RGS16: variants seen among roughly 807,000 people sequenced by gnomAD.
RGS16 encodes the protein hRGS-r.
RGS16 carries 12 observed loss-of-function variants against 18.1 expected under a neutral mutation model. That is an observed-to-expected ratio of 0.66 (90% confidence interval 0.42 to 1.07). The LOEUF (loss-of-function observed/expected upper bound fraction) is 1.07, where lower values mean the gene tolerates loss of function less well. Among genes scored for constraint, RGS16 ranks in the 50% least tolerant of loss-of-function variants. RGS16 has a pLI of 0.00. For missense variants in RGS16, 238 were observed against 249.2 expected (o/e 0.95, Z 0.30); for synonymous variants, 88 against 102.0 (o/e 0.86, Z 0.83).
At chr1:182,603,447 C>T (rs1483499359) in intron 1 of RGS16, 108 bp from the exon 2 acceptor site, 2 of 802,650 alleles carry the variant, frequency 2.5e-6, no homozygotes, top group East Asian at 5.1e-5. Context: ...AAACTTTAGC[C>T]TCAAGAGTTC....
rs1661866292 is a variant in RGS16 at position 182,601,769 on chromosome 1, A to C, written c.387+197T>G. ...TGCCAACACATCCTGCCCCATCATG[A>C]GTCTTAGGGTTAAGCACCCAGGAGT... On this transcript the variant is annotated intron_variant, in intron 4 of 4. Coordinates refer to ENST00000367558, the MANE Select transcript of RGS16 (RefSeq NM_002928.4). The C allele has an allele frequency of 1.8e-5, 11 of 623,990 alleles. 1 individual carries two copies. Among genetic ancestry groups the C allele is most frequent in the South Asian group, 1.7e-4 (9 of 51,946 alleles). The allele number at this position is 623,990 out of a possible 1,614,324, so 38.7% of individuals were successfully genotyped here.
chr1:182,601,940 T>C, intron 4 of RGS16, 26 bp downstream of exon 4: 1 of 1,613,632 alleles, frequency 6.2e-7, no homozygotes, highest in Non-Finnish European at 8.5e-7. Context: ...GTCGTGAGGA[T>C]TCACTGGGCA....
intron 1 of RGS16, 61 bp downstream of exon 1, chr1:182,604,155 C>T: frequency 6.5e-7 from 1 of 1,537,138 alleles, no homozygotes. Context: ...CCCAGGCCTG[C>T]CGCTCCACTC....
Position 182,602,450 on chromosome 1 carries a change from C to T in RGS16, c.190G>A (p.Glu64Lys), listed in dbSNP as rs202103804. ...NFSEDVLGWR[E>K]SFDLLLSSKN... The stretch of plus-strand genomic sequence containing the variant: ...CTGCTCAGCAGCAGGTCGAACGACT[C>T]TCTCCACCCCAGCACATCTTCTGAG... The change falls in exon 3 of 5, where the codon GAG (glutamate) becomes AAG (lysine). Residue 64 changes from glutamate (E) to lysine (K), a missense_variant. Transcript: ENST00000367558. The T allele has an allele frequency of 4.0e-5, 64 of 1,613,770 alleles. No homozygotes were observed. In the East Asian group the frequency reaches 1.4e-3, roughly 35 times the overall value.
chr1:182,600,008 T>C lies in RGS16; in HGVS notation c.*284A>G. The C allele has an allele frequency of 2.0e-6, 1 of 491,572 alleles. No homozygotes were observed. The highest frequency in any genetic ancestry group is 2.4e-5 in the South Asian group (1 of 42,012). The allele number at this position is 491,572 out of a possible 1,614,324, so 30.5% of individuals were successfully genotyped here. ...GAACGAGAGCCAGTGCTAACCCCCA[T>C]ACCACCTTTTTGCCCCACAGAGAGC... On this transcript the variant is annotated 3_prime_UTR_variant, in exon 5 of 5. Coordinates refer to ENST00000367558, the MANE Select transcript of RGS16 (RefSeq NM_002928.4).
intron 3 of RGS16, 52 bp downstream of exon 3, chr1:182,602,368 A>G: frequency 6.6e-7 from 1 of 1,508,850 alleles, no homozygotes; most frequent in Middle Eastern, 1.7e-4. Flanking sequence ...GCTCCAAAGC[A>G]CATGAGTACA....
In RGS16 at chr1:182,600,061, T is replaced by C; in HGVS notation, c.*231A>G. ...CACCAACCCTCATCATTAGCCCTTA[T>C]TCACAGGTCCTGGAAGTGGGCGGCT... On this transcript the variant is annotated 3_prime_UTR_variant, in exon 5 of 5. Coordinates refer to ENST00000367558, the MANE Select transcript of RGS16 (RefSeq NM_002928.4). 1 of 569,702 alleles carries C rather than the reference T, an allele frequency of 1.8e-6. No individual in the cohort carries two copies. Among genetic ancestry groups the C allele is most frequent in the Non-Finnish European group, 3.1e-6 (1 of 320,632 alleles). The allele number at this position is 569,702 out of a possible 1,614,324, so 35.3% of individuals were successfully genotyped here.
rs1571277588 is a variant in RGS16 at position 182,599,991 on chromosome 1, G to A, written c.*301C>T. On this transcript the variant is annotated 3_prime_UTR_variant, in exon 5 of 5. Transcript: ENST00000367558. ...ACTTCCTTCTCCGGTGAGAACGAGA[G>A]CCAGTGCTAACCCCCATACCACCTT... 4 of 433,762 alleles carry A rather than the reference G, an allele frequency of 9.2e-6. No individual in the cohort carries two copies. In the South Asian group the frequency reaches 1.2e-4, roughly 13 times the overall value. The allele number at this position is 433,762 out of a possible 1,614,324, so 26.9% of individuals were successfully genotyped here.
intron 1 of RGS16, 35 bp from the exon 2 acceptor site, chr1:182,603,374 T>G: frequency 1.9e-6 from 3 of 1,559,500 alleles, no homozygotes; most frequent in Non-Finnish European, 2.7e-6. Flanking sequence ...AAGCATTCTC[T>G]CATTTGCTCA....
rs772625590 is a variant in RGS16, at chr1:182,602,497, A to C, written c.156-13T>G. On this transcript the variant is annotated splice_polypyrimidine_tract_variant and intron_variant, in intron 2 of 4. Transcript: ENST00000367558. ...TGAGAAGTTTCTACTAAAAGACAAA[A>C]AGAAAAAAAAAGAGTAAGAAAAAAA... 2 of 1,608,534 alleles carry C rather than the reference A, an allele frequency of 1.2e-6. No homozygotes were observed. Among genetic ancestry groups the C allele is most frequent in the East Asian group, 2.2e-5 (1 of 44,864 alleles).
chr1:182,601,029 T>A (rs1673652634), intron 4 of RGS16, among the ~76,000 whole-genome samples: 1 of 152,038 alleles, frequency 6.6e-6, no homozygotes, highest in African/African-American at 2.4e-5. Context: ...ATGCCTGACC[T>A]CATCTCCTGC....
At position 182,600,186 on chromosome 1, in the gene RGS16, CT is replaced by C; in HGVS notation, c.*105del. On this transcript the variant is annotated 3_prime_UTR_variant, in exon 5 of 5. Coordinates refer to ENST00000367558, the MANE Select transcript of RGS16 (RefSeq NM_002928.4). ...TTTTTTTTTTTTTTTTTTTTTTGTC[CT>C]CTTGCACTTGCTTTGCAGAACCTGC... is the stretch of plus-strand genomic sequence containing the variant. 9.3e-6 allele frequency: 3 copies of C among 322,020 alleles called. No homozygotes were observed. Among genetic ancestry groups the C allele is most frequent in the African/African-American group, 3.3e-5 (1 of 29,966 alleles). The allele number at this position is 322,020 out of a possible 1,614,324, so 19.9% of individuals were successfully genotyped here.
rs1480790468 is a variant in RGS16, at chr1:182,602,441, C to T, written c.199G>A (p.Asp67Asn). 2.5e-6 allele frequency: 4 copies of T among 1,613,482 alleles called. No individual in the cohort carries two copies. The highest frequency in any genetic ancestry group is 1.1e-5 in the South Asian group (1 of 91,032). ...EDVLGWRESF[D>N]LLLSSKNGVA... ...TCACTTTTACTGCTCAGCAGCAGGT[C>T]GAACGACTCTCTCCACCCCAGCACA... is the stretch of plus-strand genomic sequence containing the variant. Residue 67 changes from aspartate to asparagine, a missense_variant, in exon 3 of 5, where the codon GAC becomes AAC. Coordinates refer to ENST00000367558, the MANE Select transcript of RGS16 (RefSeq NM_002928.4).
Position 182,600,190 on chromosome 1 carries a change from TGCACTTGC to T in RGS16, c.*94_*101del. On this transcript the variant is annotated 3_prime_UTR_variant, in exon 5 of 5. Coordinates refer to ENST00000367558, the MANE Select transcript of RGS16 (RefSeq NM_002928.4). ...TTTTTTTTTTTTTTTTTTGTCCTCT[TGCACTTGC>T]TTTGCAGAACCTGCCTCCCACACAG... 3.1e-6 allele frequency: 2 copies of T among 639,478 alleles called. No individual in the cohort carries two copies. The highest frequency in any genetic ancestry group is 1.6e-5 in the South Asian group (1 of 60,670). The allele number at this position is 639,478 out of a possible 1,614,324, so 39.6% of individuals were successfully genotyped here.
intron 4 of RGS16, among the ~76,000 whole-genome samples, 158 bp from the exon 5 acceptor site, chr1:182,600,671 T>C (rs1661849401): frequency 6.6e-6 from 1 of 152,186 alleles, no homozygotes; most frequent in African/African-American, 2.4e-5. Context: ...TCTGGGCTTG[T>C]ACCCACATCT....
rs1661822365 is a variant in RGS16, at chr1:182,599,440, G to A, written c.*852C>T. 1 of 152,344 alleles carries A rather than the reference G, an allele frequency of 6.6e-6. No individual in the cohort carries two copies. The highest frequency in any genetic ancestry group is 1.5e-5 in the Non-Finnish European group (1 of 68,128). The allele number at this position is 152,344 out of a possible 1,614,324, so 9.4% of individuals were successfully genotyped here. On this transcript the variant is annotated 3_prime_UTR_variant, in exon 5 of 5. Transcript: ENST00000367558. Reference sequence around the variant, plus strand: ...GAGGCCTCCACACTTTGTTCTCCTGGGCCCTGCCTCCAAGAGACAGCACAG... The same window carrying A: ...GAGGCCTCCACACTTTGTTCTCCTGAGCCCTGCCTCCAAGAGACAGCACAG...
rs1571277842 is a variant in RGS16 at position 182,600,278 on chromosome 1, A to C, written c.*14T>G. 1 of 1,603,740 alleles carries C rather than the reference A, an allele frequency of 6.2e-7. No individual in the cohort carries two copies. Among genetic ancestry groups the C allele is most frequent in the Non-Finnish European group, 8.5e-7 (1 of 1,178,028 alleles). On this transcript the variant is annotated 3_prime_UTR_variant, in exon 5 of 5. Transcript: ENST00000367558. ...ACCTCTCTTCCCGGCTGGCTTCCTCACTGCCGTGGAGACTCAGGTGTGTGA... is the reference window on the plus strand; with the variant it reads ...ACCTCTCTTCCCGGCTGGCTTCCTCCCTGCCGTGGAGACTCAGGTGTGTGA...
intron 4 of RGS16, among the ~76,000 whole-genome samples, chr1:182,601,454 G>A (rs559816637): frequency 3.3e-4 from 50 of 152,262 alleles, no homozygotes; most frequent in Middle Eastern, 3.4e-3. Context: ...ATCAATCAGC[G>A]GTCAGAAAAC....
Position 182,600,450 on chromosome 1 carries a change from ATGTGGC to A in RGS16, c.445_450del (p.Ala149_Thr150del). The A allele has an allele frequency of 6.2e-7, 1 of 1,614,072 alleles. No homozygotes were observed. On this transcript the variant is annotated inframe_deletion, in exon 5 of 5. Coordinates refer to ENST00000367558, the MANE Select transcript of RGS16 (RefSeq NM_002928.4). ...GTCTTCCCCTGAGCCGCATCAAAGC[ATGTGGC>A]TGTGGCAGTCTGCAGGTTCATCCTC...
Sources: allele counts gnomAD v4.1 joint callset (sites outside exome capture counted in the v4.1 genomes callset), GRCh38; gene constraint gnomAD v4.1.1; transcripts MANE v1.5; gene names NCBI Gene and HGNC (gene_info 2026-07-23, HGNC 2026-07-21).